Variants in RAB36 observed in about 807,000 individuals in gnomAD.
RAB36 encodes the protein ras-related protein Rab-36.
A neutral mutation model predicts 39.3 loss-of-function variants in RAB36; 33 were observed. The ratio of observed to expected loss-of-function variants is 0.84; its 90% CI spans 0.64 to 1.12. The LOEUF is 1.12. RAB36 is among the 50% of genes most tolerant of loss of function. RAB36 has a pLI of 0.00. For synonymous variants in RAB36, 133 were observed against 140.2 expected (o/e 0.95, Z 0.36); for missense variants, 308 against 355.3 (o/e 0.87, Z 1.07).
chr22:23,155,375 CTT>C (rs1468459927), intron 5 of RAB36, among the ~76,000 whole-genome samples: 1 of 152,200 alleles, frequency 6.6e-6, no homozygotes, highest in East Asian at 1.9e-4. Context: ...TTGTTGTACT[CTT>C]TTCCATGGAG....
At chr22:23,151,821 G>A (rs2071146678) in intron 3 of RAB36, among the ~76,000 whole-genome samples, 1 of 152,230 alleles carries the variant, frequency 6.6e-6, no homozygotes, top group Admixed American at 6.5e-5. Flanking sequence ...CCCACAGAGA[G>A]CCCAAGAACC....
chr22:23,153,012 C>T lies in RAB36; in HGVS notation c.228-21C>T, dbSNP rs752008494. On this transcript the variant is annotated intron_variant, in intron 4 of 10. Coordinates refer to ENST00000263116, the MANE Select transcript of RAB36 (RefSeq NM_004914.5). The stretch of plus-strand genomic sequence containing the variant: ...CATTTCTGTGAGTACACCCCTGTGA[C>T]GACTTCCTCATCCCCCACAGGTTTT... The T allele has an allele frequency of 3.5e-5, 55 of 1,571,328 alleles. No homozygotes were observed. The South Asian group carries it at 5.0e-4, about 14-fold the overall frequency.
Position 23,161,658 on chromosome 22 carries a change from C to A in RAB36, c.*94C>A. 2.6e-6 allele frequency: 3 copies of A among 1,137,204 alleles called. No individual in the cohort carries two copies. The highest frequency in any genetic ancestry group is 3.8e-6 in the Non-Finnish European group (3 of 799,780). 70.4% of individuals were successfully genotyped at this position (1,137,204 alleles called of 1,614,324 possible). The stretch of plus-strand genomic sequence containing the variant: ...GGAGACTGGAGCCCAAGCTCTGCAG[C>A]GTGTCGCCCTCAAGCTGTAGGCCCA... On this transcript the variant is annotated 3_prime_UTR_variant, in exon 11 of 11. Coordinates refer to ENST00000263116, the MANE Select transcript of RAB36 (RefSeq NM_004914.5).
In RAB36 at chr22:23,152,406, T is replaced by C. The variant is rs2071199475; in HGVS notation, c.162-55T>C. ...TCAGGGAAGGAAGGGGCTGTGAGTG[T>C]CTGAAGACACCCTGGAAGGCATGCC... On this transcript the variant is annotated intron_variant, in intron 3 of 10. Coordinates refer to ENST00000263116, the MANE Select transcript of RAB36 (RefSeq NM_004914.5). 2.5e-6 allele frequency: 4 copies of C among 1,583,490 alleles called. No homozygotes were observed. In the East Asian group the frequency reaches 8.9e-5, roughly 35 times the overall value.
intron 5 of RAB36, among the ~76,000 whole-genome samples, chr22:23,155,720 A>C (rs943264355): frequency 5.3e-5 from 8 of 152,240 alleles, no homozygotes; most frequent in Non-Finnish European, 8.8e-5. Context: ...CCATCCAGGC[A>C]GCAGAACAAC....
In RAB36 at chr22:23,156,023, G is replaced by C; in HGVS notation, c.385G>C (p.Gly129Arg). 1.2e-6 allele frequency: 2 copies of C among 1,612,160 alleles called. No individual in the cohort carries two copies. Among genetic ancestry groups the C allele is most frequent in the South Asian group, 2.2e-5 (2 of 90,662 alleles). Residue 129 changes from glycine to arginine, a missense_variant, in exon 6 of 11, where the codon GGT becomes CGT. Coordinates refer to ENST00000263116, the MANE Select transcript of RAB36 (RefSeq NM_004914.5). ...GTGCATCGCATCTGCCTACTACCGG[G>C]GTGCCCAGGGTGAGCAACATGCCAC... is the stretch of plus-strand genomic sequence containing the variant. ...FKCIASAYYRGAQVIITAFDL... is the reference protein window; with the variant it reads ...FKCIASAYYRRAQVIITAFDL...
At chr22:23,160,307 T>C (rs938064045) in intron 9 of RAB36, among the ~76,000 whole-genome samples, 1 of 152,152 alleles carries the variant, frequency 6.6e-6, no homozygotes, top group African/African-American at 2.4e-5. Flanking sequence ...GACAGCTCAC[T>C]ATGGACCAAG....
Position 23,163,822 on chromosome 22 carries a change from C to A in RAB36, c.*2258C>A, listed in dbSNP as rs1601960559. The stretch of plus-strand genomic sequence containing the variant: ...GAGTGAGCTCCTTCTGGACATACTG[C>A]CTGGCAGCCTGCCTTCCTAGGGAGC... On this transcript the variant is annotated 3_prime_UTR_variant, in exon 11 of 11. Transcript: ENST00000263116. 1 of 152,238 alleles carries A rather than the reference C, an allele frequency of 6.6e-6. No individual in the cohort carries two copies. Among genetic ancestry groups the A allele is most frequent in the East Asian group, 1.9e-4 (1 of 5,196 alleles). 9.4% of individuals were successfully genotyped at this position (152,238 alleles called of 1,614,324 possible).
chr22:23,146,283 A>G (rs2070765330), intron 1 of RAB36, among the ~76,000 whole-genome samples: 1 of 152,162 alleles, frequency 6.6e-6, no homozygotes, highest in Admixed American at 6.5e-5. Context: ...TTCACGGTTC[A>G]CTGCACCCTT....
At chr22:23,155,887 T>C (rs1444161119) in intron 5 of RAB36, 81 bp from the exon 6 acceptor site, 1 of 1,326,788 alleles carries the variant, frequency 7.5e-7, no homozygotes. Context: ...CTCCCACCCA[T>C]GGTCCCGTAG....
intron 7 of RAB36, among the ~76,000 whole-genome samples, chr22:23,158,399 T>C (rs1429200405): frequency 6.6e-6 from 1 of 152,218 alleles, no homozygotes; most frequent in South Asian, 2.1e-4. Flanking sequence ...CTGAAAACTG[T>C]ATAGCCAGTC....
rs2071998355 is a variant in RAB36, at chr22:23,164,730, C to A, written c.*3166C>A. The stretch of plus-strand genomic sequence containing the variant: ...AACGCCTTTTTCCTCTTCCCTGTTT[C>A]CCTGGACCCTTTCCTGCTCTCTGTC... On this transcript the variant is annotated 3_prime_UTR_variant, in exon 11 of 11. Coordinates refer to ENST00000263116, the MANE Select transcript of RAB36 (RefSeq NM_004914.5). Among the ~76,000 whole-genome samples, 1 of 152,146 alleles carries A rather than the reference C, an allele frequency of 6.6e-6. No individual in the cohort carries two copies. The highest frequency in any genetic ancestry group is 2.1e-4 in the South Asian group (1 of 4,828).
chr22:23,165,988 T>G (rs946837528), downstream of RAB36, among the ~76,000 whole-genome samples: 16 of 151,526 alleles, frequency 1.1e-4, no homozygotes, highest in East Asian at 1.2e-3. Context: ...CTACTAAAAA[T>G]ACAAAAAATT....
At chr22:23,166,324 G>A (rs1461795430), downstream of RAB36, among the ~76,000 whole-genome samples, 1 of 139,398 alleles carries the variant, frequency 7.2e-6, no homozygotes, top group Admixed American at 7.3e-5. Flanking sequence ...ATAAGGGTGT[G>A]AAGAACTGGA....
chr22:23,159,482 G>C (rs1329633760), intron 9 of RAB36, among the ~76,000 whole-genome samples: 1 of 152,348 alleles, frequency 6.6e-6, no homozygotes, highest in African/African-American at 2.4e-5. Context: ...CCTCACGGAT[G>C]GGGGAATAGT....
Position 23,162,544 on chromosome 22 carries a change from C to T in RAB36, c.*980C>T, listed in dbSNP as rs936411403. The T allele has an allele frequency of 1.2e-5, 5 of 434,708 alleles. No individual in the cohort carries two copies. Among genetic ancestry groups the T allele is most frequent in the Non-Finnish European group, 1.9e-5 (4 of 213,120 alleles). The allele number at this position is 434,708 out of a possible 1,614,324, so 26.9% of individuals were successfully genotyped here. A position where few individuals can be genotyped will look rare whatever the true frequency, so the allele number is the denominator to read the frequency against. ...GAGGCCCTGCCAAGTCTAGCATGTT[C>T]CTGTCTCCAACACCGCCTCCTGCAC... On this transcript the variant is annotated 3_prime_UTR_variant, in exon 11 of 11. Transcript: ENST00000263116.
intron 5 of RAB36, 26 bp downstream of exon 5, chr22:23,153,160 C>T (rs779587602): frequency 3.5e-5 from 54 of 1,564,488 alleles, no homozygotes; most frequent in Non-Finnish European, 4.0e-5. Context: ...CCCCATGGCT[C>T]GTGGGCAGCT....
At chr22:23,147,900 G>C (rs1362998959) in intron 2 of RAB36, among the ~76,000 whole-genome samples, 2 of 152,172 alleles carry the variant, frequency 1.3e-5, no homozygotes, top group African/African-American at 4.8e-5. Context: ...GCAGTAGAGT[G>C]TGTGCAGCAC....
intron 9 of RAB36, among the ~76,000 whole-genome samples, chr22:23,160,024 T>A (rs1297674751): frequency 6.6e-6 from 1 of 152,164 alleles, no homozygotes; most frequent in Non-Finnish European, 1.5e-5. Context: ...TGTTGGGGGA[T>A]GAAATGAAGT....
Sources: gnomAD v4.1 joint callset for allele counts (sites outside exome capture counted in the v4.1 genomes callset) on GRCh38, gnomAD v4.1.1 for gene constraint, MANE v1.5 for transcripts, NCBI Gene and HGNC (gene_info 2026-07-23, HGNC 2026-07-21) for gene names.